Variants in RPRD2 observed in about 807,000 individuals in gnomAD.
The protein encoded by RPRD2 is regulation of nuclear pre-mRNA domain-containing protein 2.
In RPRD2, 12 loss-of-function variants were observed where a neutral mutation model predicts 104.4. That is an observed-to-expected ratio of 0.11 (90% CI 0.07 to 0.19). The LOEUF is 0.19. Ranked by LOEUF, RPRD2 falls within the 10% of genes least tolerant of loss-of-function variation. RPRD2 has a pLI of 1.00. For synonymous variants in RPRD2, 714 were observed against 684.9 expected, an observed-to-expected ratio of 1.04 and a Z score of -0.66; for missense variants, 1,543 against 1,790.1, an observed-to-expected ratio of 0.86 and a Z score of 2.49.
At chr1:150,387,284 C>T (rs1661636107) in intron 1 of RPRD2, among the ~76,000 whole-genome samples, 1 of 152,022 alleles carries the variant, frequency 6.6e-6, no homozygotes, top group African/African-American at 2.4e-5. Flanking sequence ...CACTTCAGAC[C>T]ACAGTGTGTT....
At chr1:150,418,260 C>A (rs1553888999) in intron 2 of RPRD2, among the ~76,000 whole-genome samples, 1 of 152,142 alleles carries the variant, frequency 6.6e-6, no homozygotes, top group African/African-American at 2.4e-5. Context: ...AGCCACTGTG[C>A]CTGGCCATGT....
chr1:150,402,115 C>T, intron 1 of RPRD2, among the ~76,000 whole-genome samples: 1 of 151,950 alleles, frequency 6.6e-6, no homozygotes, highest in African/African-American at 2.4e-5. Context: ...CCCACCACCA[C>T]ACCCAGCTAA....
Position 150,398,106 on chromosome 1 carries a change from G to A in RPRD2, c.206-19490G>A, listed in dbSNP as rs191868708. ...AGGTTCAAGCCATTCTCCTGCCTCAGCACCCCACCCCACCCCCACCCCGCA... is the reference window on the plus strand; with the variant it reads ...AGGTTCAAGCCATTCTCCTGCCTCAACACCCCACCCCACCCCCACCCCGCA... On this transcript the variant is annotated intron_variant, in intron 1 of 10. Transcript: ENST00000369068. 6.2e-3 allele frequency among the ~76,000 whole-genome samples: 937 copies of A among 151,222 alleles called. 7 individuals carry two copies. The highest frequency in any genetic ancestry group is 0.014 in the Middle Eastern group (4 of 288).
intron 1 of RPRD2, among the ~76,000 whole-genome samples, chr1:150,372,506 G>GACACACACACACACACACACAC: frequency 6.7e-6 from 1 of 150,182 alleles, no homozygotes. Flanking sequence ...CACACACACA[G>GACACACACACACACACACACAC]ACACACACAC....
Position 150,364,938 on chromosome 1 carries a change from T to TAGGGA in RPRD2, c.205+27_205+31dup. On this transcript the variant is annotated intron_variant, in intron 1 of 10. Transcript: ENST00000369068. ...CGGAGATGTGAGTGTTGGGGGTGAC[T>TAGGGA]AGGGAAGGGAAGACTGGGGAAATGG... 2 of 1,611,280 alleles carry TAGGGA rather than the reference T, an allele frequency of 1.2e-6. No homozygotes were observed. The highest frequency in any genetic ancestry group is 1.1e-5 in the South Asian group (1 of 90,840).
intron 2 of RPRD2, among the ~76,000 whole-genome samples, chr1:150,435,699 C>G (rs1189821193): frequency 4.6e-5 from 7 of 152,184 alleles, no homozygotes. Flanking sequence ...GGAAAGAAGT[C>G]ATCTCTATAA....
Position 150,364,356 on chromosome 1 carries a change from C to T in RPRD2, c.-359C>T, listed in dbSNP as rs1659660167. ...GGGGAAGGGCCTTAGCACTGAGAGCCGAAAAGTATAAAACGATTAGTTTCG... is the reference window on the plus strand; with the variant it reads ...GGGGAAGGGCCTTAGCACTGAGAGCTGAAAAGTATAAAACGATTAGTTTCG... On this transcript the variant is annotated 5_prime_UTR_variant, in exon 1 of 11. Coordinates refer to ENST00000369068, the MANE Select transcript of RPRD2 (RefSeq NM_015203.5). Among the ~76,000 whole-genome samples the T allele has an allele frequency of 6.6e-6, 1 of 152,042 alleles. No individual in the cohort carries two copies. The highest frequency in any genetic ancestry group is 2.4e-5 in the African/African-American group (1 of 41,396).
At chr1:150,444,013 A>T (rs1666589290) in intron 5 of RPRD2, among the ~76,000 whole-genome samples, 1 of 152,196 alleles carries the variant, frequency 6.6e-6, no homozygotes, top group Non-Finnish European at 1.5e-5. Context: ...GCGAGACTCC[A>T]TTTCAAAAAA....
chr1:150,379,190 G>GTTC (rs1298573138), intron 1 of RPRD2, among the ~76,000 whole-genome samples: 3 of 151,224 alleles, frequency 2.0e-5, no homozygotes, highest in African/African-American at 7.3e-5. Context: ...GGCTGAGGCA[G>GTTC]GAGAATTGCT....
At chr1:150,373,665 T>G (rs1405607196) in intron 1 of RPRD2, among the ~76,000 whole-genome samples, 6 of 142,800 alleles carry the variant, frequency 4.2e-5, no homozygotes, top group African/African-American at 1.6e-4. Context: ...TGTGTTAGGT[T>G]TGGGATGTCT....
chr1:150,460,014 T>A, intron 8 of RPRD2, 46 bp from the exon 9 acceptor site: 1 of 1,584,130 alleles, frequency 6.3e-7, no homozygotes, highest in Non-Finnish European at 8.6e-7. Flanking sequence ...GGAAGCAAAG[T>A]CTGGAAAGTA....
intron 1 of RPRD2, among the ~76,000 whole-genome samples, chr1:150,387,158 A>C (rs1661625392): frequency 6.6e-6 from 1 of 152,122 alleles, no homozygotes; most frequent in Admixed American, 6.6e-5. Context: ...AAATCTCCTA[A>C]AATTTTGAAA....
chr1:150,418,968 C>T (rs1234410880), intron 2 of RPRD2, among the ~76,000 whole-genome samples: 8 of 152,148 alleles, frequency 5.3e-5, no homozygotes, highest in Admixed American at 2.0e-4. Flanking sequence ...GCCGAGATCA[C>T]GCCACTGCAC....
intron 2 of RPRD2, among the ~76,000 whole-genome samples, chr1:150,424,495 T>G (rs1213962660): frequency 6.6e-6 from 1 of 151,886 alleles, no homozygotes; most frequent in Non-Finnish European, 1.5e-5. Context: ...ACCATGTTGG[T>G]CAGGCTGGTC....
At chr1:150,366,492 G>A (rs893592794) in intron 1 of RPRD2, among the ~76,000 whole-genome samples, 2 of 152,302 alleles carry the variant, frequency 1.3e-5, no homozygotes, top group South Asian at 2.1e-4. Context: ...AAATTATAAC[G>A]TGCAAAAACA....
chr1:150,376,332 ATTCT>A (rs2102105801), intron 1 of RPRD2, among the ~76,000 whole-genome samples: 1 of 152,268 alleles, frequency 6.6e-6, no homozygotes, highest in East Asian at 1.9e-4. Flanking sequence ...AGAGAGAGTG[ATTCT>A]TTATTACCCT....
chr1:150,430,136 A>T (rs921958052), intron 2 of RPRD2, among the ~76,000 whole-genome samples: 2 of 152,348 alleles, frequency 1.3e-5, no homozygotes, highest in Admixed American at 6.5e-5. Flanking sequence ...ACCACAATTG[A>T]CAATCCATCG....
Position 150,476,022 on chromosome 1 carries a change from G to A in RPRD2, c.*2688G>A, listed in dbSNP as rs1668874201. 1 of 152,176 alleles carries A rather than the reference G, an allele frequency of 6.6e-6. No individual in the cohort carries two copies. The highest frequency in any genetic ancestry group is 6.5e-5 in the Admixed American group (1 of 15,268). The allele number at this position is 152,176 out of a possible 1,614,324, so 9.4% of individuals were successfully genotyped here. ...TGTGAATACACTAGTACCACTTAAA[G>A]TTCAGTGATACAGTTCAGAAATAGG... is the stretch of plus-strand genomic sequence containing the variant. On this transcript the variant is annotated 3_prime_UTR_variant, in exon 11 of 11. Transcript: ENST00000369068.
chr1:150,433,590 G>A (rs1308958853), intron 2 of RPRD2, among the ~76,000 whole-genome samples: 1 of 147,852 alleles, frequency 6.8e-6, no homozygotes, highest in African/African-American at 2.5e-5. Flanking sequence ...GACTACAGGC[G>A]CCCGCCACAA....
Sources: gnomAD v4.1 joint callset for allele counts (sites outside exome capture counted in the v4.1 genomes callset) on GRCh38, gnomAD v4.1.1 for gene constraint, MANE v1.5 for transcripts, NCBI Gene and HGNC (gene_info 2026-07-23, HGNC 2026-07-21) for gene names.